TSHZ2: variants seen among roughly 807,000 people sequenced by gnomAD.
TSHZ2 encodes teashirt zinc finger homeobox 2, also known as teashirt homolog 2.
TSHZ2 carries 21 observed loss-of-function variants against 74.4 expected under a neutral mutation model. That is an observed-to-expected ratio of 0.28 (90% CI 0.20 to 0.41). The LOEUF is 0.41. Ranked by LOEUF, TSHZ2 falls within the 10% of genes least tolerant of loss-of-function variation. TSHZ2 has a pLI of 1.00. For missense variants in TSHZ2, 1,244 were observed against 1,293.5 expected, an observed-to-expected ratio of 0.96 and a Z score of 0.59; for synonymous variants, 540 against 515.3, an observed-to-expected ratio of 1.05 and a Z score of -0.65.
rs555515820 is a variant in TSHZ2, at chr20:53,075,163, G to T, written c.40+101830G>T. On this transcript the variant is annotated intron_variant, in intron 1 of 2. Transcript: ENST00000371497. The stretch of plus-strand genomic sequence containing the variant: ...ATCATTGTGACGTGCTTGGCCTAAA[G>T]GGCCCTGGGCTGTTATAATGAGTAA... Among the ~76,000 whole-genome samples the T allele has an allele frequency of 3.9e-5, 6 of 152,326 alleles. No homozygotes were observed. The South Asian group carries it at 1.2e-3, about 32-fold the overall frequency.
At chr20:53,002,972 A>G (rs1465829315) in intron 1 of TSHZ2, among the ~76,000 whole-genome samples, 1 of 152,216 alleles carries the variant, frequency 6.6e-6, no homozygotes, top group Non-Finnish European at 1.5e-5. Flanking sequence ...ATTCCTTCCC[A>G]GTTGCTAACC....
intron 1 of TSHZ2, among the ~76,000 whole-genome samples, chr20:53,130,117 ATAT>A (rs1987062187): frequency 1.3e-5 from 2 of 152,032 alleles, no homozygotes; most frequent in South Asian, 4.2e-4. Flanking sequence ...GTGGGTTTAC[ATAT>A]TATGATAGTT....
intron 1 of TSHZ2, among the ~76,000 whole-genome samples, chr20:53,175,440 C>T (rs899132705): frequency 1.3e-5 from 2 of 152,062 alleles, no homozygotes; most frequent in African/African-American, 2.4e-5. Flanking sequence ...TGCACCTGGC[C>T]CCCTGGGCGT....
intron 1 of TSHZ2, among the ~76,000 whole-genome samples, chr20:53,001,392 C>T (rs75731947): frequency 0.01 from 1,591 of 152,118 alleles, 24 homozygotes; most frequent in African/African-American, 0.036. Context: ...TAGTTTCTGG[C>T]AACAGTCAAA....
chr20:53,246,050 T>TTTTTTTTTTTTTTTTTTTTTTTGTTTG (rs1568832069), intron 1 of TSHZ2, among the ~76,000 whole-genome samples: 1 of 150,054 alleles, frequency 6.7e-6, no homozygotes, highest in African/African-American at 2.5e-5. Flanking sequence ...CTTTTTTTTT[T>TTTTTTTTTTTTTTTTTTTTTTTGTTTG]TTTGTTTGAG....
At chr20:52,997,712 CT>C (rs1190473150) in intron 1 of TSHZ2, among the ~76,000 whole-genome samples, 8 of 152,164 alleles carry the variant, frequency 5.3e-5, no homozygotes, top group African/African-American at 1.9e-4. Context: ...GGGTGACATA[CT>C]TGCTAGGAAA....
chr20:53,293,425 T>C (rs571611216), intron 2 of TSHZ2, among the ~76,000 whole-genome samples: 6 of 152,040 alleles, frequency 3.9e-5, no homozygotes, highest in Non-Finnish European at 5.9e-5. Context: ...ATCATGCCAC[T>C]GCACTCCAGC....
Position 53,254,765 on chromosome 20 carries a change from C to G in TSHZ2, c.1307C>G (p.Pro436Arg). The change falls in exon 2 of 3, where the codon CCA becomes CGA. Residue 436 changes from proline to arginine, a missense_variant. Physicochemically the swap from Pro to Arg is moderately radical, Grantham distance 103. Transcript: ENST00000371497. The stretch of plus-strand genomic sequence containing the variant: ...AAAATGCAGTCGTTGTCTGAGGCCC[C>G]AAACAGTGATTCTCTGGCTCCCAAG... ...VEKMQSLSEAPNSDSLAPKPS... is the reference protein window; with the variant it reads ...VEKMQSLSEARNSDSLAPKPS... 1 of 1,613,322 alleles carries G rather than the reference C, an allele frequency of 6.2e-7. No individual in the cohort carries two copies. Among genetic ancestry groups the G allele is most frequent in the Non-Finnish European group, 8.5e-7 (1 of 1,179,456 alleles).
chr20:53,411,278 C>T (rs930625013), intron 2 of TSHZ2, among the ~76,000 whole-genome samples: 2 of 152,186 alleles, frequency 1.3e-5, no homozygotes, highest in Non-Finnish European at 2.9e-5. Context: ...CCAGTCTCAA[C>T]TCATCCCAGA....
intron 2 of TSHZ2, among the ~76,000 whole-genome samples, chr20:53,280,060 A>G (rs1991024772): frequency 6.6e-6 from 1 of 152,184 alleles, no homozygotes; most frequent in Admixed American, 6.5e-5. Context: ...ATACATTGAG[A>G]GGCTTTAAAT....
intron 1 of TSHZ2, among the ~76,000 whole-genome samples, chr20:53,127,760 A>G (rs529213927): frequency 2.6e-5 from 4 of 152,322 alleles, no homozygotes; most frequent in African/African-American, 9.6e-5. Context: ...TAACAACTTC[A>G]TCGATGACAA....
At chr20:53,295,655 A>G (rs753237638) in intron 2 of TSHZ2, among the ~76,000 whole-genome samples, 45 of 152,232 alleles carry the variant, frequency 3.0e-4, no homozygotes, top group Admixed American at 7.9e-4. Context: ...TAACAAAAAA[A>G]GGAGCAAATG....
At chr20:53,385,223 T>C (rs932418335) in intron 2 of TSHZ2, among the ~76,000 whole-genome samples, 1 of 152,026 alleles carries the variant, frequency 6.6e-6, no homozygotes, top group Non-Finnish European at 1.5e-5. Flanking sequence ...AGGAATAATA[T>C]AAAAACAGGA....
Position 53,254,634 on chromosome 20 carries a change from G to A in TSHZ2, c.1176G>A (p.Leu392=). The change falls in exon 2 of 3, where the codon TTG becomes TTA. Residue 392 remains leucine (L), a synonymous_variant. Transcript: ENST00000371497. ...CMECGSSHDT[L]QQLTTHMMVT... ...AGTGTGGGAGCTCCCATGACACCTTGCAGCAGCTCACCACCCACATGATGG... is the reference window on the plus strand; with the variant it reads ...AGTGTGGGAGCTCCCATGACACCTTACAGCAGCTCACCACCCACATGATGG... The A allele has an allele frequency of 6.2e-7, 1 of 1,614,084 alleles. No homozygotes were observed. Among genetic ancestry groups the A allele is most frequent in the African/African-American group, 1.3e-5 (1 of 75,040 alleles).
At chr20:53,045,333 T>C (rs1316149520) in intron 1 of TSHZ2, among the ~76,000 whole-genome samples, 1 of 152,178 alleles carries the variant, frequency 6.6e-6, no homozygotes, top group Non-Finnish European at 1.5e-5. Context: ...AAAATACACA[T>C]GAGAATCCAA....
At chr20:53,036,853 G>C (rs189849962) in intron 1 of TSHZ2, among the ~76,000 whole-genome samples, 167 of 149,814 alleles carry the variant, frequency 1.1e-3, no homozygotes, top group African/African-American at 3.9e-3. Flanking sequence ...TTATATATGT[G>C]TAGATAGACA....
At chr20:53,398,420 C>G (rs1319224229) in intron 2 of TSHZ2, 1 of 152,174 alleles carries the variant, frequency 6.6e-6, no homozygotes, top group Non-Finnish European at 1.5e-5. Context: ...TATCTGAAGT[C>G]AGACCAACTG....
intron 1 of TSHZ2, among the ~76,000 whole-genome samples, chr20:53,183,123 C>A (rs560422679): frequency 6.6e-6 from 1 of 152,162 alleles, no homozygotes; most frequent in African/African-American, 2.4e-5. Context: ...AAGGACCCTT[C>A]CCCTGGCTGG....
chr20:53,447,426 A>G (rs1425584934), intron 2 of TSHZ2, among the ~76,000 whole-genome samples: 1 of 152,210 alleles, frequency 6.6e-6, no homozygotes, highest in African/African-American at 2.4e-5. Context: ...AAAAAATCGC[A>G]GTTTATGCAT....
Sources: allele counts gnomAD v4.1 joint callset (sites outside exome capture counted in the v4.1 genomes callset), GRCh38; gene constraint gnomAD v4.1.1; transcripts MANE v1.5; gene names NCBI Gene and HGNC (gene_info 2026-07-23, HGNC 2026-07-21).